Variants in AGBL1 observed in about 807,000 individuals in gnomAD.
AGBL1 encodes the protein AGBL carboxypeptidase 1.
AGBL1 carries 130 observed loss-of-function variants against 118.9 expected under a neutral mutation model. That is an observed-to-expected ratio of 1.09 (90% CI 0.95 to 1.26). The LOEUF is 1.26. AGBL1 is among the 50% of genes most tolerant of loss of function. AGBL1 has a pLI of 0.00. For missense variants in AGBL1, 1,584 were observed against 1,298.1 expected (o/e 1.22, Z -3.38); for synonymous variants, 555 against 478.9 (o/e 1.16, Z -2.08).
chr15:86,495,455 T>TA (rs1038741115), intron 18 of AGBL1, among the ~76,000 whole-genome samples: 26 of 151,762 alleles, frequency 1.7e-4, no homozygotes, highest in African/African-American at 6.0e-4. Flanking sequence ...AAAATTTGAT[T>TA]AAAAAACCTT....
At chr15:86,386,968 G>C (rs1454432948) in intron 17 of AGBL1, among the ~76,000 whole-genome samples, 1 of 152,126 alleles carries the variant, frequency 6.6e-6, no homozygotes, top group African/African-American at 2.4e-5. Flanking sequence ...GTTAATGACA[G>C]GAGCTAATTA....
intron 3 of AGBL1, among the ~76,000 whole-genome samples, chr15:86,145,813 T>C (rs992109933): frequency 6.6e-6 from 1 of 152,236 alleles, no homozygotes; most frequent in Admixed American, 6.5e-5. Context: ...ATGGAACTTA[T>C]GTTCAAGTGG....
At chr15:86,280,154 TC>T (rs5814234) in intron 16 of AGBL1, among the ~76,000 whole-genome samples, 29,579 of 151,954 alleles carry the variant, frequency 0.19, 4,371 homozygotes, top group African/African-American at 0.42. Flanking sequence ...GAGATGCAAA[TC>T]TGAAGAAAAT....
chr15:86,562,378 T>A (rs1000863776), intron 21 of AGBL1, among the ~76,000 whole-genome samples: 2 of 152,232 alleles, frequency 1.3e-5, no homozygotes, highest in African/African-American at 4.8e-5. Flanking sequence ...GCCAAAGGCC[T>A]TTTCTGCATC....
chr15:86,455,888 C>T (rs891641), intron 18 of AGBL1, among the ~76,000 whole-genome samples: 4,553 of 152,004 alleles, frequency 0.03, 110 homozygotes, highest in Middle Eastern at 0.088. Flanking sequence ...TCTCTCATAG[C>T]CATTACCCTA....
intron 24 of AGBL1, among the ~76,000 whole-genome samples, chr15:87,026,728 A>C (rs1333607829): frequency 6.6e-6 from 1 of 152,110 alleles, no homozygotes; most frequent in Non-Finnish European, 1.5e-5. Context: ...AAAAATGTGG[A>C]CCCAACTCAA....
intron 22 of AGBL1, among the ~76,000 whole-genome samples, chr15:86,840,548 C>G (rs529626002): frequency 6.6e-6 from 1 of 152,140 alleles, no homozygotes; most frequent in East Asian, 1.9e-4. Flanking sequence ...GTGGTTCAAG[C>G]GATTTCTCCT....
chr15:86,401,160 G>A (rs1249523059), intron 18 of AGBL1, among the ~76,000 whole-genome samples: 2 of 152,144 alleles, frequency 1.3e-5, no homozygotes, highest in African/African-American at 4.8e-5. Context: ...TGTTGCAGAA[G>A]TAAGGTGGTA....
At chr15:86,568,396 G>A (rs1295381568) in intron 21 of AGBL1, among the ~76,000 whole-genome samples, 2 of 152,118 alleles carry the variant, frequency 1.3e-5, no homozygotes, top group Non-Finnish European at 2.9e-5. Flanking sequence ...ATTGATTCCA[G>A]GATCTCTAGA....
At chr15:86,974,771 G>C (rs2081155982) in intron 23 of AGBL1, among the ~76,000 whole-genome samples, 1 of 151,586 alleles carries the variant, frequency 6.6e-6, no homozygotes, top group Admixed American at 6.6e-5. Context: ...CTCTGAGCCA[G>C]ATCAAAAACA....
At chr15:86,167,366 C>T (rs561408269) in intron 5 of AGBL1, among the ~76,000 whole-genome samples, 3 of 152,162 alleles carry the variant, frequency 2.0e-5, no homozygotes, top group Non-Finnish European at 2.9e-5. Context: ...CTGCCTCAGC[C>T]TCCCAAGTAG....
At chr15:86,718,596 G>A (rs1034419068) in intron 22 of AGBL1, among the ~76,000 whole-genome samples, 2 of 152,056 alleles carry the variant, frequency 1.3e-5, no homozygotes, top group South Asian at 2.1e-4. Context: ...TTAACAAAGC[G>A]GCAGTCAGAA....
At chr15:86,822,647 T>C (rs79333501) in intron 22 of AGBL1, among the ~76,000 whole-genome samples, 9,608 of 152,104 alleles carry the variant, frequency 0.063, 494 homozygotes, top group Admixed American at 0.17. Context: ...CCAAGGAAGC[T>C]GAGAAGCCAA....
chr15:86,119,915 C>A (rs968495147), intron 1 of AGBL1, among the ~76,000 whole-genome samples: 2 of 152,180 alleles, frequency 1.3e-5, no homozygotes, highest in East Asian at 1.9e-4. Context: ...TGTCCATAAT[C>A]TGTTCTTAGC....
At chr15:86,806,213 G>A (rs1377600392) in intron 22 of AGBL1, among the ~76,000 whole-genome samples, 7 of 152,018 alleles carry the variant, frequency 4.6e-5, no homozygotes, top group African/African-American at 1.4e-4. Flanking sequence ...CAGATGATGA[G>A]GACATAGACA....
At chr15:87,005,476 T>C (rs2081488664) in intron 24 of AGBL1, among the ~76,000 whole-genome samples, 1 of 152,246 alleles carries the variant, frequency 6.6e-6, no homozygotes, top group African/African-American at 2.4e-5. Flanking sequence ...TTCCAGTTGA[T>C]CGAATTGGCT....
intron 6 of AGBL1, among the ~76,000 whole-genome samples, chr15:86,240,727 C>T (rs2078628427): frequency 6.6e-6 from 1 of 152,184 alleles, no homozygotes; most frequent in Admixed American, 6.5e-5. Flanking sequence ...AATGGATTTT[C>T]AGGACGGCTC....
Position 86,262,770 on chromosome 15 carries a change from C to T in AGBL1, c.970-8C>T, listed in dbSNP as rs140123227. 1.3e-3 allele frequency: 2,010 copies of T among 1,572,724 alleles called. 16 individuals are homozygous for T. The highest frequency in any genetic ancestry group is 9.3e-3 in the South Asian group (816 of 87,522). Reference sequence around the variant, plus strand: ...ACTGTAATCTCTTCTATGACTATTCCATTTTAGGATGATGACTTGGAAACA... The same window carrying T: ...ACTGTAATCTCTTCTATGACTATTCTATTTTAGGATGATGACTTGGAAACA... On this transcript the variant is annotated splice_polypyrimidine_tract_variant and splice_region_variant and intron_variant, in intron 9 of 22. Coordinates refer to ENST00000614907, the MANE Select transcript of AGBL1 (RefSeq NM_001386094.1).
chr15:86,204,728 T>C (rs2077963249), intron 5 of AGBL1, among the ~76,000 whole-genome samples: 1 of 152,190 alleles, frequency 6.6e-6, no homozygotes, highest in Non-Finnish European at 1.5e-5. Flanking sequence ...TAGCTGGGAC[T>C]ACAGGCGTGC....
Sources: gnomAD v4.1 joint callset for allele counts (sites outside exome capture counted in the v4.1 genomes callset) on GRCh38, gnomAD v4.1.1 for gene constraint, MANE v1.5 for transcripts, NCBI Gene and HGNC (gene_info 2026-07-23, HGNC 2026-07-21) for gene names.